Variants in SMO observed in about 807,000 individuals in gnomAD.
The protein encoded by SMO is protein smoothened.
A neutral mutation model predicts 81.6 loss-of-function variants in SMO; 40 were observed. The observed-to-expected ratio is 0.49, with a 90% CI of 0.38 to 0.64. SMO has a LOEUF of 0.64. SMO is among the 30% of genes least tolerant of loss of function. SMO has a pLI of 0.00. For synonymous variants in SMO, 434 were observed against 432.1 expected (o/e 1.00, Z -0.05); for missense variants, 916 against 1,061.1 (o/e 0.86, Z 1.90).
In SMO at chr7:129,211,821, G is replaced by A. The variant is rs552460147; in HGVS notation, c.1936+51G>A. ...AAGGTGGGGGGAGCACAGAGGCTGGGGGCTTCTGGGACTGGAGTACAGGGG... is the reference window on the plus strand; with the variant it reads ...AAGGTGGGGGGAGCACAGAGGCTGGAGGCTTCTGGGACTGGAGTACAGGGG... On this transcript the variant is annotated intron_variant, in intron 11 of 11. Transcript: ENST00000249373. The surrounding 1 kb of genome is among the most constrained non-coding windows in gnomAD (Gnocchi z 4.6). 3.7e-6 allele frequency: 6 copies of A among 1,608,472 alleles called. No homozygotes were observed. In the South Asian group the frequency reaches 6.6e-5, roughly 18 times the overall value.
chr7:129,191,328 A>G (rs755122627), intron 1 of SMO, among the ~76,000 whole-genome samples: 9 of 152,336 alleles, frequency 5.9e-5, no homozygotes, highest in East Asian at 1.9e-4. Context: ...ACATGTATCA[A>G]TTAGTACCAT....
At position 129,211,592 on chromosome 7, in the gene SMO, G is replaced by A. The variant is rs1003295289; in HGVS notation, c.1802-44G>A. 1.2e-6 allele frequency: 2 copies of A among 1,603,108 alleles called. No individual in the cohort carries two copies. The highest frequency in any genetic ancestry group is 1.7e-6 in the Non-Finnish European group (2 of 1,175,018). On this transcript the variant is annotated intron_variant, in intron 10 of 11. Coordinates refer to ENST00000249373, the MANE Select transcript of SMO (RefSeq NM_005631.5). The surrounding 1 kb of genome is among the most constrained non-coding windows in gnomAD (Gnocchi z 4.6). The stretch of plus-strand genomic sequence containing the variant: ...CTATGGGAGGCACTGCCAGGGACCG[G>A]GAAGTCACTATTCCTTCTCCTTTCC...
chr7:129,202,097 C>T (rs1252167185), intron 1 of SMO, among the ~76,000 whole-genome samples: 1 of 152,142 alleles, frequency 6.6e-6, no homozygotes, highest in Non-Finnish European at 1.5e-5. Context: ...CAGTCAGAGG[C>T]CTCAGACAAA....
Position 129,210,855 on chromosome 7 carries a change from G to A in SMO, c.1653-110G>A. On this transcript the variant is annotated intron_variant, in intron 9 of 11. Transcript: ENST00000249373. This position sits in a 1 kb window ranked among gnomAD's most constrained non-coding sequence, Gnocchi z 4.7. ...ACTCCTGAGTCCTTGAAGGACTTGA[G>A]GCCCTTGGGAGCCTCCTTCTCTGGA... 2 of 1,241,520 alleles carry A rather than the reference G, an allele frequency of 1.6e-6. No homozygotes were observed. 76.9% of individuals were successfully genotyped at this position (1,241,520 alleles called of 1,614,324 possible). A position where few individuals can be genotyped will look rare whatever the true frequency, so the allele number is the denominator to read the frequency against.
At position 129,203,463 on chromosome 7, in the gene SMO, C is replaced by T. The variant is rs2150646637; in HGVS notation, c.411C>T (p.Asp137=). ...TATACATGCCCAAGTGTGAGAATGA[C>T]CGGGTGGAGCTGCCCAGCCGTACCC... is the stretch of plus-strand genomic sequence containing the variant. ...CAVYMPKCEN[D]RVELPSRTLC... The change falls in exon 2 of 12, where the codon GAC becomes GAT. Residue 137 remains aspartate, a synonymous_variant. Coordinates refer to ENST00000249373, the MANE Select transcript of SMO (RefSeq NM_005631.5). 6.3e-7 allele frequency: 1 copy of T among 1,583,642 alleles called. No homozygotes were observed. The highest frequency in any genetic ancestry group is 2.3e-5 in the East Asian group (1 of 43,452).
chr7:129,204,743 C>T (rs746709071), intron 2 of SMO, among the ~76,000 whole-genome samples: 16 of 151,980 alleles, frequency 1.1e-4, no homozygotes, highest in Non-Finnish European at 2.4e-4. Flanking sequence ...ACTGGCCGGG[C>T]GCAGTGGCTC....
chr7:129,194,256 G>C (rs745665448), intron 1 of SMO, among the ~76,000 whole-genome samples: 31 of 152,154 alleles, frequency 2.0e-4, no homozygotes, highest in Non-Finnish European at 1.9e-4. Flanking sequence ...GGGTCTTGCT[G>C]TGTTGCCCAG....
At position 129,212,468 on chromosome 7, in the gene SMO, C is replaced by T. The variant is rs2150657476; in HGVS notation, c.*17C>T. On this transcript the variant is annotated 3_prime_UTR_variant, in exon 12 of 12. Coordinates refer to ENST00000249373, the MANE Select transcript of SMO (RefSeq NM_005631.5). This position sits in a 1 kb window ranked among gnomAD's most constrained non-coding sequence, Gnocchi z 5.0. The stretch of plus-strand genomic sequence containing the variant: ...GACTTCTGAGCCTGCAGAGCAGGAC[C>T]TGGGACAGGAAAGAGAGGAACCAAT... 1 of 1,603,006 alleles carries T rather than the reference C, an allele frequency of 6.2e-7. No homozygotes were observed. The highest frequency in any genetic ancestry group is 1.3e-5 in the African/African-American group (1 of 74,748).
At chr7:129,207,837 G>A (rs1389214311) in intron 6 of SMO, among the ~76,000 whole-genome samples, 1 of 152,118 alleles carries the variant, frequency 6.6e-6, no homozygotes, top group Non-Finnish European at 1.5e-5. Context: ...AGGCTGCAGT[G>A]AGCCATGATC....
intron 1 of SMO, among the ~76,000 whole-genome samples, chr7:129,190,967 A>AAATAAT (rs201261267): frequency 6.6e-6 from 1 of 152,076 alleles, no homozygotes; most frequent in Non-Finnish European, 1.5e-5. Flanking sequence ...CAAAAGACTG[A>AAATAAT]AATAATAATA....
rs777290257 is a variant in SMO at position 129,208,796 on chromosome 7, C to T, written c.1302C>T (p.Pro434=). The T allele has an allele frequency of 4.3e-5, 70 of 1,613,688 alleles. 1 individual carries two copies. In the South Asian group the frequency reaches 5.9e-4, roughly 14 times the overall value. Residue 434 remains proline (P), a synonymous_variant, in exon 7 of 12, where the codon CCC becomes CCT. Coordinates refer to ENST00000249373, the MANE Select transcript of SMO (RefSeq NM_005631.5). This position sits in a 1 kb window ranked among gnomAD's most constrained non-coding sequence, Gnocchi z 5.2. ...MTLFSIKSNH[P]GLLSEKAASK... is the part of the protein sequence containing the mutation. ...TGTTCTCCATCAAGAGCAACCACCC[C>T]GGGCTGCTGAGTGAGAAGGCTGCCA... is the stretch of plus-strand genomic sequence containing the variant.
In SMO at chr7:129,206,052, C is replaced by G. The variant is rs1284187539; in HGVS notation, c.921-98C>G. Reference sequence around the variant, plus strand: ...CCAAGCCCTGACTTCTGGGAACCTCCAGACCTCAGCAGCTGAGGGTCTGGG... The same window carrying G: ...CCAAGCCCTGACTTCTGGGAACCTCGAGACCTCAGCAGCTGAGGGTCTGGG... On this transcript the variant is annotated intron_variant, in intron 4 of 11. Coordinates refer to ENST00000249373, the MANE Select transcript of SMO (RefSeq NM_005631.5). The surrounding 1 kb of genome is among the most constrained non-coding windows in gnomAD (Gnocchi z 4.4). 1 of 1,078,030 alleles carries G rather than the reference C, an allele frequency of 9.3e-7. No homozygotes were observed. Among genetic ancestry groups the G allele is most frequent in the East Asian group, 2.4e-5 (1 of 42,136 alleles). The allele number at this position is 1,078,030 out of a possible 1,614,324, so 66.8% of individuals were successfully genotyped here. A position where few individuals can be genotyped will look rare whatever the true frequency, so the allele number is the denominator to read the frequency against.
Position 129,210,300 on chromosome 7 carries a change from A to G in SMO, c.1467-63A>G, listed in dbSNP as rs2150653476. ...AGCCTGGGTGACAGAGCAAGATCCT[A>G]TCTCAAAAAAAGAGAGAGGAAAAGA... is the stretch of plus-strand genomic sequence containing the variant. On this transcript the variant is annotated intron_variant, in intron 8 of 11. Transcript: ENST00000249373. The surrounding 1 kb of genome is among the most constrained non-coding windows in gnomAD (Gnocchi z 4.7). The G allele has an allele frequency of 1.4e-6, 2 of 1,389,410 alleles. No homozygotes were observed. The highest frequency in any genetic ancestry group is 1.2e-5 in the South Asian group (1 of 84,782). 86.1% of individuals were successfully genotyped at this position (1,389,410 alleles called of 1,614,324 possible).
chr7:129,211,566 A>G lies in SMO; in HGVS notation c.1802-70A>G, dbSNP rs188686872. Reference sequence around the variant, plus strand: ...GGCTGTGGGAAGATGAATGGCACTGACTATGGGAGGCACTGCCAGGGACCG... The same window carrying G: ...GGCTGTGGGAAGATGAATGGCACTGGCTATGGGAGGCACTGCCAGGGACCG... On this transcript the variant is annotated intron_variant, in intron 10 of 11. Transcript: ENST00000249373. The surrounding 1 kb of genome is among the most constrained non-coding windows in gnomAD (Gnocchi z 4.6). The G allele has an allele frequency of 1.3e-6, 2 of 1,523,550 alleles. No individual in the cohort carries two copies. Among genetic ancestry groups the G allele is most frequent in the Non-Finnish European group, 1.8e-6 (2 of 1,107,878 alleles). The allele number at this position is 1,523,550 out of a possible 1,614,324, so 94.4% of individuals were successfully genotyped here.
At chr7:129,207,723 T>A (rs989621604) in intron 6 of SMO, among the ~76,000 whole-genome samples, 5 of 152,024 alleles carry the variant, frequency 3.3e-5, no homozygotes, top group Non-Finnish European at 7.4e-5. Context: ...TGAAACCCCA[T>A]CTCTACAAAA....
chr7:129,191,658 C>G (rs1236157728), intron 1 of SMO, among the ~76,000 whole-genome samples: 2 of 152,098 alleles, frequency 1.3e-5, no homozygotes, highest in African/African-American at 2.4e-5. Context: ...TATCATGTCC[C>G]GAGTTAATGA....
intron 1 of SMO, among the ~76,000 whole-genome samples, chr7:129,196,536 C>A (rs1793583285): frequency 6.6e-6 from 1 of 152,062 alleles, no homozygotes; most frequent in African/African-American, 2.4e-5. Context: ...AAAGAGACAT[C>A]TTTACAATAC....
rs1563145734 is a variant in SMO at position 129,193,785 on chromosome 7, A to AAAAAT, written c.331+4304_331+4305insAAATA. 9.9e-4 allele frequency among the ~76,000 whole-genome samples: 26 copies of AAAAAT among 26,356 alleles called. 1 individual carries two copies. The highest frequency in any genetic ancestry group is 2.0e-3 in the South Asian group (1 of 488). The allele number at this position is 26,356 out of a possible 152,430, so 17.3% of individuals were successfully genotyped here. On this transcript the variant is annotated intron_variant, in intron 1 of 11. Transcript: ENST00000249373. ...AAAAAAAAAAAAAAAAAAAAAAAAA[A>AAAAAT]ATATATATATATATATATATATATA...
In SMO at chr7:129,206,306, C is replaced by T. The variant is rs750688848; in HGVS notation, c.1077C>T (p.Tyr359=). 16 of 1,614,226 alleles carry T rather than the reference C, an allele frequency of 9.9e-6. No homozygotes were observed. Among genetic ancestry groups the T allele is most frequent in the Non-Finnish European group, 1.2e-5 (14 of 1,180,040 alleles). ...AGCCTCTCTCGGGCAAGACCTCCTACTTCCACCTGCTCACCTGGTCACTCC... is the reference window on the plus strand; with the variant it reads ...AGCCTCTCTCGGGCAAGACCTCCTATTTCCACCTGCTCACCTGGTCACTCC... The part of the protein sequence containing the change: ...TYQPLSGKTS[Y]FHLLTWSLPF... The change falls in exon 5 of 12, where the codon TAC becomes TAT. Residue 359 remains tyrosine (Y), a synonymous_variant. Transcript: ENST00000249373. The surrounding 1 kb of genome is among the most constrained non-coding windows in gnomAD (Gnocchi z 4.4).
Sources: gnomAD v4.1 joint callset for allele counts (sites outside exome capture counted in the v4.1 genomes callset) on GRCh38, gnomAD v4.1.1 for gene constraint, Gnocchi (gnomAD v3.1) non-coding constraint, MANE v1.5 for transcripts, NCBI Gene and HGNC (gene_info 2026-07-23, HGNC 2026-07-21) for gene names.